Variants in FYN observed in about 807,000 individuals in gnomAD.
The protein encoded by FYN is FYN proto-oncogene, Src family tyrosine kinase.
FYN carries 10 observed loss-of-function variants against 70.2 expected under a neutral mutation model. The observed-to-expected ratio is 0.14, with a 90% CI of 0.09 to 0.24. The LOEUF is 0.24. Ranked by LOEUF, FYN falls within the 10% of genes least tolerant of loss-of-function variation. The pLI, the probability that FYN is intolerant of heterozygous loss-of-function variation, is 1.00. For synonymous variants in FYN, 236 were observed against 248.6 expected, an observed-to-expected ratio of 0.95 and a Z score of 0.48; for missense variants, 319 against 673.1, an observed-to-expected ratio of 0.47 and a Z score of 5.82.
chr6:111,863,502 G>T (rs9487738), intron 1 of FYN, among the ~76,000 whole-genome samples: 11,999 of 152,220 alleles, frequency 0.079, 933 homozygotes, highest in African/African-American at 0.21. Flanking sequence ...CAGAAATACA[G>T]ATTCAGTAAC....
intron 12 of FYN, among the ~76,000 whole-genome samples, chr6:111,688,395 G>C (rs996822375): frequency 6.6e-6 from 1 of 152,216 alleles, no homozygotes; most frequent in Non-Finnish European, 1.5e-5. Context: ...TTCCCAGAGA[G>C]AGCCATGCAC....
At chr6:111,737,585 C>T (rs891513392) in intron 3 of FYN, among the ~76,000 whole-genome samples, 2 of 152,342 alleles carry the variant, frequency 1.3e-5, no homozygotes, top group Non-Finnish European at 2.9e-5. Context: ...CTCCAGGAAC[C>T]TGCACATGTT....
intron 1 of FYN, among the ~76,000 whole-genome samples, chr6:111,863,879 C>T (rs185025370): frequency 3.9e-4 from 60 of 152,236 alleles, no homozygotes; most frequent in East Asian, 5.8e-4. Flanking sequence ...ACCACTTCTC[C>T]GCCTGCTCCC....
At position 111,750,131 on chromosome 6, in the gene FYN, C is replaced by T. The variant is rs1463598543; in HGVS notation, c.-11-30069G>A. On this transcript the variant is annotated intron_variant, in intron 3 of 13. Coordinates refer to ENST00000354650, the MANE Select transcript of FYN (RefSeq NM_002037.5). ...AGATTCCTTCCATTCTGACTTTCTG[C>T]AACATAACCGATACAGTTTGCATGT... Among the ~76,000 whole-genome samples, 5 of 152,274 alleles carry T rather than the reference C, an allele frequency of 3.3e-5. No homozygotes were observed. In the East Asian group the frequency reaches 9.6e-4, roughly 29 times the overall value.
chr6:111,843,431 CA>C (rs1293103432), intron 2 of FYN, among the ~76,000 whole-genome samples: 2 of 152,134 alleles, frequency 1.3e-5, no homozygotes, highest in Non-Finnish European at 2.9e-5. Flanking sequence ...ACACTTAAAG[CA>C]ATGATATCTG....
intron 2 of FYN, among the ~76,000 whole-genome samples, chr6:111,791,640 C>T (rs1393194855): frequency 6.6e-6 from 1 of 152,152 alleles, no homozygotes; most frequent in Non-Finnish European, 1.5e-5. Flanking sequence ...GATTCCTGGC[C>T]ACCACCAGAA....
intron 3 of FYN, among the ~76,000 whole-genome samples, chr6:111,740,478 C>T (rs900589770): frequency 2.0e-5 from 3 of 152,186 alleles, no homozygotes; most frequent in African/African-American, 4.8e-5. Flanking sequence ...TCACAAAACA[C>T]GAGGTAGAAA....
chr6:111,838,953 G>T (rs934740931), intron 2 of FYN, among the ~76,000 whole-genome samples: 11 of 152,198 alleles, frequency 7.2e-5, no homozygotes, highest in African/African-American at 2.7e-4. Context: ...TCTGACTTCA[G>T]ACCGGGGCTT....
chr6:111,844,704 G>C (rs1773467397), intron 2 of FYN: 1 of 152,064 alleles, frequency 6.6e-6, no homozygotes, highest in South Asian at 2.1e-4. Context: ...CCACACCACG[G>C]GTCAGTCACC....
At chr6:111,702,085 A>G (rs781458900) in intron 8 of FYN, among the ~76,000 whole-genome samples, 27 of 152,204 alleles carry the variant, frequency 1.8e-4, no homozygotes, top group Non-Finnish European at 3.5e-4. Context: ...AAATATCTCT[A>G]GGCTTAATAG....
At chr6:111,839,701 A>C (rs1237620196) in intron 2 of FYN, among the ~76,000 whole-genome samples, 1 of 152,150 alleles carries the variant, frequency 6.6e-6, no homozygotes, top group East Asian at 1.9e-4. Context: ...AGAAAGTTAT[A>C]AGAACTAGGG....
At position 111,667,952 on chromosome 6, in the gene FYN, T is replaced by G. The variant is rs146255590; in HGVS notation, c.1406-6005A>C. Among the ~76,000 whole-genome samples, 132 of 152,362 alleles carry G rather than the reference T, an allele frequency of 8.7e-4. 1 individual carries two copies. The East Asian group carries it at 0.021, about 24-fold the overall frequency. On this transcript the variant is annotated intron_variant, in intron 13 of 13. Transcript: ENST00000354650. The stretch of plus-strand genomic sequence containing the variant: ...TTAACAATGGGAATGATGTTTAGAT[T>G]ATCAGATACCCAAATTCCTTTTGCT...
chr6:111,787,863 C>T (rs1187066255), intron 2 of FYN, among the ~76,000 whole-genome samples: 2 of 152,208 alleles, frequency 1.3e-5, no homozygotes, highest in African/African-American at 2.4e-5. Flanking sequence ...CTTGGTGACA[C>T]TGCTAGAAAG....
At chr6:111,783,963 C>A (rs775139528) in intron 2 of FYN, among the ~76,000 whole-genome samples, 1 of 152,162 alleles carries the variant, frequency 6.6e-6, no homozygotes, top group Admixed American at 6.5e-5. Flanking sequence ...TGAGAAGCAT[C>A]GATCCAAGAG....
intron 2 of FYN, among the ~76,000 whole-genome samples, chr6:111,786,395 T>A (rs1771385525): frequency 6.6e-6 from 1 of 152,222 alleles, no homozygotes; most frequent in Non-Finnish European, 1.5e-5. Flanking sequence ...GAACTCATCC[T>A]TTTTTATGGC....
At chr6:111,822,661 G>A (rs1401227363) in intron 2 of FYN, among the ~76,000 whole-genome samples, 1 of 150,240 alleles carries the variant, frequency 6.7e-6, no homozygotes, top group African/African-American at 2.4e-5. Context: ...AATAAAGACA[G>A]AGACAATAAT....
At chr6:111,852,272 C>T (rs953879388) in intron 1 of FYN, among the ~76,000 whole-genome samples, 1 of 152,066 alleles carries the variant, frequency 6.6e-6, no homozygotes, top group African/African-American at 2.4e-5. Context: ...TGGAATTATT[C>T]GAAATGTACA....
At position 111,798,933 on chromosome 6, in the gene FYN, T is replaced by C. The variant is rs376957258; in HGVS notation, c.-81-18298A>G. On this transcript the variant is annotated intron_variant, in intron 2 of 13. Transcript: ENST00000354650. ...GTTCAGTGATTAAAGGGATATTCCA[T>C]ATTTTTCTTCCTCAGAATATCCAGA... Among the ~76,000 whole-genome samples, 278 of 152,328 alleles carry C rather than the reference T, an allele frequency of 1.8e-3. 12 individuals are homozygous for C. In the South Asian group the frequency reaches 0.056, roughly 31 times the overall value.
At chr6:111,669,256 G>A (rs1474358035) in intron 13 of FYN, among the ~76,000 whole-genome samples, 4 of 151,940 alleles carry the variant, frequency 2.6e-5, no homozygotes, top group Non-Finnish European at 4.4e-5. Context: ...CCAACATGGC[G>A]AAACCCTGGC....
Sources: allele counts gnomAD v4.1 joint callset (sites outside exome capture counted in the v4.1 genomes callset), GRCh38; gene constraint gnomAD v4.1.1; transcripts MANE v1.5; gene names NCBI Gene and HGNC (gene_info 2026-07-23, HGNC 2026-07-21).